BACH2: variants seen among roughly 807,000 people sequenced by gnomAD.
BACH2 encodes BACH transcriptional regulator 2.
A neutral mutation model predicts 61.8 loss-of-function variants in BACH2; 5 were observed. The observed-to-expected ratio is 0.08, with a 90% confidence interval of 0.04 to 0.17. The LOEUF (loss-of-function observed/expected upper bound fraction) is 0.17, where lower values mean the gene tolerates loss of function less well. Ranked by LOEUF, BACH2 falls within the 10% of genes least tolerant of loss-of-function variation. The probability of loss-of-function intolerance (pLI) is 1.00; values close to 1 mark genes in which losing one functional copy is unlikely to be tolerated. For missense variants in BACH2, 824 were observed against 1,091.1 expected (o/e 0.76, Z 3.45); for synonymous variants, 446 against 440.1 (o/e 1.01, Z -0.17).
At chr6:90,107,661 T>C (rs918634016) in intron 4 of BACH2, among the ~76,000 whole-genome samples, 19 of 130,150 alleles carry the variant, frequency 1.5e-4, no homozygotes, top group Admixed American at 1.7e-4. Context: ...TCTCTATTTG[T>C]GATTTTTTTT....
At chr6:90,295,491 GC>G (rs1386777410) in intron 1 of BACH2, among the ~76,000 whole-genome samples, 1 of 152,062 alleles carries the variant, frequency 6.6e-6, no homozygotes, top group Non-Finnish European at 1.5e-5. Context: ...CGTGAGCGCC[GC>G]CCGCCGCCGT....
Position 90,044,714 on chromosome 6 carries a change from C to T in BACH2, c.-12-35858G>A, listed in dbSNP as rs201728162. Among the ~76,000 whole-genome samples the T allele has an allele frequency of 1.1e-4, 16 of 152,026 alleles. No homozygotes were observed. In the East Asian group the frequency reaches 1.2e-3, roughly 11 times the overall value. The stretch of plus-strand genomic sequence containing the variant: ...GCCTGGATTTGACAGGTGGAGCTGA[C>T]GGGATTTGCTAGTGGATTGGATGTG... On this transcript the variant is annotated intron_variant, in intron 5 of 8. Transcript: ENST00000257749.
At chr6:90,066,184 A>G (rs561260404) in intron 5 of BACH2, among the ~76,000 whole-genome samples, 68 of 152,304 alleles carry the variant, frequency 4.5e-4, no homozygotes, top group African/African-American at 1.2e-3. Flanking sequence ...GAAGAAACCA[A>G]TAAGTCCACA....
chr6:90,171,490 C>T (rs1767813420), intron 4 of BACH2, among the ~76,000 whole-genome samples: 1 of 150,960 alleles, frequency 6.6e-6, no homozygotes, highest in East Asian at 1.9e-4. Flanking sequence ...GTGCCCTTTC[C>T]AAATCCAAAT....
chr6:89,977,760 G>A (rs183842686), intron 6 of BACH2, among the ~76,000 whole-genome samples: 7 of 150,004 alleles, frequency 4.7e-5, no homozygotes, highest in African/African-American at 9.7e-5. Flanking sequence ...GATACAAGGC[G>A]GTTGAAAAAA....
At chr6:90,092,291 A>AAAAAAAAAAAAAAAAATATATATATAT in intron 4 of BACH2, among the ~76,000 whole-genome samples, 2 of 113,818 alleles carry the variant, frequency 1.8e-5, no homozygotes, top group African/African-American at 7.2e-5. Context: ...AAAAAAAAAA[A>AAAAAAAAAAAAAAAAATATATATATAT]ATATATATAT....
chr6:90,187,616 C>T (rs1018742503), intron 4 of BACH2, among the ~76,000 whole-genome samples: 2 of 152,212 alleles, frequency 1.3e-5, no homozygotes, highest in African/African-American at 2.4e-5. Flanking sequence ...AGAGACGGGT[C>T]ATTCCACTCA....
At position 90,055,913 on chromosome 6, in the gene BACH2, G is replaced by T. The variant is rs1286739846; in HGVS notation, c.-13+33048C>A. ...GAGAAATAAAATACTTTACAGACAA[G>T]CAAATGCTGAGAGATTTTGTCACCA... is the stretch of plus-strand genomic sequence containing the variant. On this transcript the variant is annotated intron_variant, in intron 5 of 8. Transcript: ENST00000257749. Among the ~76,000 whole-genome samples, 3 of 152,106 alleles carry T rather than the reference G, an allele frequency of 2.0e-5. No homozygotes were observed. The East Asian group carries it at 5.8e-4, about 29-fold the overall frequency.
chr6:90,083,334 C>T (rs780698998), intron 5 of BACH2, among the ~76,000 whole-genome samples: 54 of 152,136 alleles, frequency 3.5e-4, no homozygotes, highest in Non-Finnish European at 4.9e-4. Flanking sequence ...TGGAGACTCA[C>T]GACTCAGAGA....
At chr6:89,941,821 C>T (rs901303381) in intron 7 of BACH2, among the ~76,000 whole-genome samples, 1 of 152,108 alleles carries the variant, frequency 6.6e-6, no homozygotes, top group Non-Finnish European at 1.5e-5. Flanking sequence ...CCCTATAGTT[C>T]AGGCCACAGG....
At chr6:90,294,857 T>C (rs765251222) in intron 1 of BACH2, among the ~76,000 whole-genome samples, 3 of 152,226 alleles carry the variant, frequency 2.0e-5, no homozygotes, top group African/African-American at 7.2e-5. Flanking sequence ...TACATTTTAA[T>C]GATCTGAGAA....
chr6:89,942,696 CTT>C (rs1186123441), intron 7 of BACH2, among the ~76,000 whole-genome samples: 4 of 152,182 alleles, frequency 2.6e-5, no homozygotes, highest in Non-Finnish European at 5.9e-5. Flanking sequence ...GGGCGCCACT[CTT>C]TAGCCAGGGG....
intron 5 of BACH2, among the ~76,000 whole-genome samples, chr6:90,026,247 G>T (rs1778630042): frequency 6.6e-6 from 1 of 152,208 alleles, no homozygotes; most frequent in South Asian, 2.1e-4. Flanking sequence ...TGTCATAAAG[G>T]AGTGGGGAAG....
intron 4 of BACH2, among the ~76,000 whole-genome samples, chr6:90,102,556 A>C (rs1782684542): frequency 4.6e-5 from 7 of 152,126 alleles, no homozygotes; most frequent in Admixed American, 4.6e-4. Context: ...TGGGAGGCCA[A>C]GGCTGGTGGA....
chr6:90,133,777 T>G (rs955075091), intron 4 of BACH2, among the ~76,000 whole-genome samples: 1 of 151,894 alleles, frequency 6.6e-6, no homozygotes, highest in African/African-American at 2.4e-5. Flanking sequence ...CACCTATGAG[T>G]GAGAACATGC....
chr6:90,107,915 C>T (rs984966440), intron 4 of BACH2, among the ~76,000 whole-genome samples: 1 of 152,048 alleles, frequency 6.6e-6, no homozygotes, highest in Non-Finnish European at 1.5e-5. Context: ...TAAACAATAC[C>T]CTTTAGGAAT....
At chr6:90,261,733 T>G (rs746186274) in intron 2 of BACH2, among the ~76,000 whole-genome samples, 4 of 152,208 alleles carry the variant, frequency 2.6e-5, no homozygotes, top group Non-Finnish European at 5.9e-5. Flanking sequence ...CTCTCTGTTC[T>G]CTGTTTCCTA....
At position 90,141,774 on chromosome 6, in the gene BACH2, C is replaced by A. The variant is rs917273120; in HGVS notation, c.-161-52665G>T. 5.9e-5 allele frequency among the ~76,000 whole-genome samples: 9 copies of A among 152,102 alleles called. No individual in the cohort carries two copies. In the East Asian group the frequency reaches 1.7e-3, roughly 29 times the overall value. On this transcript the variant is annotated intron_variant, in intron 4 of 8. Transcript: ENST00000257749. ...TTGATTTGTAAGTGTTTTCTGAAAT[C>A]ATATTTTATTAAAAATTCTATTCAG...
At chr6:90,184,178 T>A (rs1335267112) in intron 4 of BACH2, among the ~76,000 whole-genome samples, 1 of 152,162 alleles carries the variant, frequency 6.6e-6, no homozygotes, top group Non-Finnish European at 1.5e-5. Flanking sequence ...AATGATATCA[T>A]TTAAAAAAGT....
Sources: allele counts gnomAD v4.1 joint callset (sites outside exome capture counted in the v4.1 genomes callset), GRCh38; gene constraint gnomAD v4.1.1; transcripts MANE v1.5; gene names NCBI Gene and HGNC (gene_info 2026-07-23, HGNC 2026-07-21).